The following RABGAP1L variants were observed in gnomAD, a reference collection of about 807,000 sequenced individuals.
RABGAP1L encodes rab GTPase-activating protein 1-like.
In RABGAP1L, 63 loss-of-function variants were observed where a neutral mutation model predicts 137.7. The observed-to-expected ratio is 0.46, with a 90% confidence interval of 0.37 to 0.56. The LOEUF (loss-of-function observed/expected upper bound fraction) is 0.56, where lower values mean the gene tolerates loss of function less well. Among genes scored for constraint, RABGAP1L ranks in the 20% least tolerant of loss-of-function variants. The pLI is 0.00. For synonymous variants in RABGAP1L, 431 were observed against 433.7 expected, an observed-to-expected ratio of 0.99 and a Z score of 0.08; for missense variants, 1,095 against 1,244.0, an observed-to-expected ratio of 0.88 and a Z score of 1.80.
chr1:174,169,792 G>C (rs990701591), intron 1 of RABGAP1L, among the ~76,000 whole-genome samples: 1 of 152,106 alleles, frequency 6.6e-6, no homozygotes, highest in Non-Finnish European at 1.5e-5. Context: ...TGGTCTCAAA[G>C]CGATTCTCCA....
At chr1:174,618,335 G>C (rs1362918799) in intron 13 of RABGAP1L, among the ~76,000 whole-genome samples, 1 of 152,206 alleles carries the variant, frequency 6.6e-6, no homozygotes, top group African/African-American at 2.4e-5. Context: ...AGAATGGACA[G>C]ACTGCCTCCT....
intron 25 of RABGAP1L, among the ~76,000 whole-genome samples, chr1:174,989,213 G>A (rs1301064728): frequency 6.6e-6 from 1 of 152,112 alleles, no homozygotes; most frequent in East Asian, 1.9e-4. Flanking sequence ...TCACACATTG[G>A]CTGACACCCG....
At chr1:174,875,352 C>T (rs777683836) in intron 19 of RABGAP1L, among the ~76,000 whole-genome samples, 4 of 152,138 alleles carry the variant, frequency 2.6e-5, no homozygotes, top group Non-Finnish European at 4.4e-5. Flanking sequence ...AAGGGTTCTT[C>T]GTAACCAAGA....
At chr1:174,331,443 A>C (rs1292187505) in intron 11 of RABGAP1L, among the ~76,000 whole-genome samples, 1 of 152,190 alleles carries the variant, frequency 6.6e-6, no homozygotes, top group Non-Finnish European at 1.5e-5. Flanking sequence ...ATAGCAAAAA[A>C]CCCCAAATAG....
chr1:174,342,024 A>G (rs1045913567), intron 11 of RABGAP1L, among the ~76,000 whole-genome samples: 1 of 152,080 alleles, frequency 6.6e-6, no homozygotes, highest in Non-Finnish European at 1.5e-5. Context: ...AAATCTTTCA[A>G]TTTATGTGTA....
intron 19 of RABGAP1L, among the ~76,000 whole-genome samples, chr1:174,814,994 T>C (rs12240203): frequency 1.8e-4 from 28 of 152,188 alleles, no homozygotes; most frequent in African/African-American, 6.0e-4. Flanking sequence ...CAACCTATTG[T>C]ATTGTATTGT....
chr1:174,725,348 A>T (rs1460320305), intron 17 of RABGAP1L, among the ~76,000 whole-genome samples: 4 of 152,222 alleles, frequency 2.6e-5, no homozygotes, highest in Non-Finnish European at 5.9e-5. Context: ...AAAATAGGAA[A>T]CATCATCCCC....
At chr1:174,256,979 G>T (rs1673187385) in intron 7 of RABGAP1L, among the ~76,000 whole-genome samples, 1 of 152,050 alleles carries the variant, frequency 6.6e-6, no homozygotes, top group African/African-American at 2.4e-5. Context: ...ATGTAAACCA[G>T]AGCTTTCCCT....
chr1:174,814,023 A>G (rs2148864224), intron 19 of RABGAP1L, among the ~76,000 whole-genome samples: 1 of 152,304 alleles, frequency 6.6e-6, no homozygotes, highest in Admixed American at 6.5e-5. Context: ...AAACCCAGGA[A>G]AACAATTGAA....
chr1:174,777,998 G>A (rs1031343555), intron 18 of RABGAP1L, among the ~76,000 whole-genome samples: 2 of 152,106 alleles, frequency 1.3e-5, no homozygotes, highest in African/African-American at 4.8e-5. Flanking sequence ...AATAATGGCT[G>A]ATATTTTTCC....
intron 3 of RABGAP1L, among the ~76,000 whole-genome samples, chr1:174,226,782 A>T (rs74348266): frequency 0.1 from 14,616 of 146,802 alleles, 1,466 homozygotes; most frequent in African/African-American, 0.26. Flanking sequence ...CTTTTTTTTT[A>T]AAAAAAATTT....
At chr1:174,552,689 C>T (rs753150811) in intron 13 of RABGAP1L, among the ~76,000 whole-genome samples, 204 of 152,198 alleles carry the variant, frequency 1.3e-3, no homozygotes, top group South Asian at 4.4e-3. Context: ...TGAACATATG[C>T]GTGCATGCGT....
chr1:174,936,818 T>C (rs1238082832), intron 19 of RABGAP1L, among the ~76,000 whole-genome samples: 1 of 152,142 alleles, frequency 6.6e-6, no homozygotes, highest in Non-Finnish European at 1.5e-5. Flanking sequence ...AATCACTTTC[T>C]TTTTTTAATT....
chr1:174,472,570 C>T (rs1046736453), intron 13 of RABGAP1L, among the ~76,000 whole-genome samples: 1 of 152,134 alleles, frequency 6.6e-6, no homozygotes, highest in African/African-American at 2.4e-5. Context: ...TGGAGGAAAC[C>T]AGGCACATAC....
chr1:174,332,384 A>T (rs1163463692), intron 11 of RABGAP1L, among the ~76,000 whole-genome samples: 2 of 79,482 alleles, frequency 2.5e-5, no homozygotes, highest in East Asian at 2.2e-4. Context: ...CTAAATTTTT[A>T]TTTATTTATT....
chr1:174,568,111 C>G (rs2148039528), intron 13 of RABGAP1L, among the ~76,000 whole-genome samples: 1 of 152,220 alleles, frequency 6.6e-6, no homozygotes, highest in East Asian at 1.9e-4. Flanking sequence ...CCCCAGGAAG[C>G]TTTCAGTCAT....
intron 13 of RABGAP1L, among the ~76,000 whole-genome samples, chr1:174,614,789 T>C (rs1671637723): frequency 6.6e-6 from 1 of 152,196 alleles, no homozygotes; most frequent in South Asian, 2.1e-4. Flanking sequence ...TTTTATTCTT[T>C]TTTCTCTAAA....
intron 13 of RABGAP1L, among the ~76,000 whole-genome samples, chr1:174,492,739 A>G (rs909552874): frequency 2.6e-5 from 4 of 152,040 alleles, no homozygotes; most frequent in African/African-American, 9.7e-5. Context: ...TTACACAAAT[A>G]ATACTTCCAT....
At chr1:174,428,757 G>A (rs530505115) in intron 13 of RABGAP1L, among the ~76,000 whole-genome samples, 1 of 152,158 alleles carries the variant, frequency 6.6e-6, no homozygotes, top group South Asian at 2.1e-4. Flanking sequence ...ATCCAGTGTT[G>A]GGTGTGTGTA....
Sources: allele counts gnomAD v4.1 joint callset (sites outside exome capture counted in the v4.1 genomes callset), GRCh38; gene constraint gnomAD v4.1.1; transcripts MANE v1.5; gene names NCBI Gene and HGNC (gene_info 2026-07-23, HGNC 2026-07-21).